Variants in FARS2 observed in about 807,000 individuals in gnomAD.
FARS2 encodes the protein phenylalanine--tRNA ligase, mitochondrial.
In FARS2, 40 loss-of-function variants were observed where a neutral mutation model predicts 46.4. That is an observed-to-expected ratio of 0.86 (90% confidence interval 0.67 to 1.12). The LOEUF is 1.12. Among genes scored for constraint, FARS2 ranks in the 50% most tolerant of loss-of-function variants. FARS2 has a pLI of 0.00. For synonymous variants in FARS2, 234 were observed against 214.9 expected, an observed-to-expected ratio of 1.09 and a Z score of -0.78; for missense variants, 513 against 567.9, an observed-to-expected ratio of 0.90 and a Z score of 0.98.
chr6:5,567,712 C>CAT (rs1359225801), intron 5 of FARS2, among the ~76,000 whole-genome samples: 1 of 152,216 alleles, frequency 6.6e-6, no homozygotes, highest in African/African-American at 2.4e-5. Context: ...CATGTTTATG[C>CAT]ATATATACGA....
chr6:5,438,225 C>A (rs2432763), intron 4 of FARS2, among the ~76,000 whole-genome samples: 1 of 96,128 alleles, frequency 1.0e-5, no homozygotes, highest in Non-Finnish European at 2.2e-5. Context: ...TAGTTACTTT[C>A]AAGGCTTCTA....
In FARS2 at chr6:5,341,343, C is replaced by T. The variant is rs1771638733; in HGVS notation, c.-21-27207C>T. ...GGGGTTTGACAGCTCCCCCCTCCCT[C>T]ATCAGTGTCCCAGCTGCTCTTGACC... On this transcript the variant is annotated intron_variant, in intron 1 of 6. Transcript: ENST00000274680. 3.5e-5 allele frequency among the ~76,000 whole-genome samples: 5 copies of T among 144,270 alleles called. No individual in the cohort carries two copies. The South Asian group carries it at 1.1e-3, about 32-fold the overall frequency. The allele number at this position is 144,270 out of a possible 152,430, so 94.6% of individuals were successfully genotyped here.
intron 1 of FARS2, among the ~76,000 whole-genome samples, chr6:5,357,441 G>A (rs907740923): frequency 1.3e-5 from 2 of 152,172 alleles, no homozygotes; most frequent in African/African-American, 2.4e-5. Context: ...AGATGGACTA[G>A]CATCCTAACT....
At chr6:5,624,299 A>G (rs1226719198) in intron 6 of FARS2, among the ~76,000 whole-genome samples, 1 of 152,140 alleles carries the variant, frequency 6.6e-6, no homozygotes, top group Non-Finnish European at 1.5e-5. Context: ...GCTTGACACC[A>G]GCATTAGATG....
At chr6:5,419,155 G>GT (rs1762405736) in intron 3 of FARS2, among the ~76,000 whole-genome samples, 1 of 152,124 alleles carries the variant, frequency 6.6e-6, no homozygotes, top group East Asian at 1.9e-4. Context: ...GGTGGCTGGT[G>GT]TTTTCCTTCT....
At chr6:5,454,468 C>T (rs1337560671) in intron 4 of FARS2, among the ~76,000 whole-genome samples, 1 of 152,008 alleles carries the variant, frequency 6.6e-6, no homozygotes, top group Non-Finnish European at 1.5e-5. Context: ...CAGCCTCCCC[C>T]CGAGTAGCTG....
At chr6:5,627,623 A>G (rs972667640) in intron 6 of FARS2, among the ~76,000 whole-genome samples, 2 of 152,226 alleles carry the variant, frequency 1.3e-5, no homozygotes, top group Non-Finnish European at 2.9e-5. Context: ...TGGTGTTTAT[A>G]CGTCTTTTCA....
At chr6:5,296,277 G>C (rs1767867919) in intron 1 of FARS2, among the ~76,000 whole-genome samples, 1 of 151,470 alleles carries the variant, frequency 6.6e-6, no homozygotes. Flanking sequence ...GAGTAGCTGG[G>C]ACTGCAGGTG....
At chr6:5,758,583 C>T (rs1017706732) in intron 6 of FARS2, among the ~76,000 whole-genome samples, 2 of 152,152 alleles carry the variant, frequency 1.3e-5, no homozygotes, top group Non-Finnish European at 2.9e-5. Flanking sequence ...CCTCCTCAAC[C>T]AACCTGTTTT....
chr6:5,364,897 T>A (rs2127634338), intron 1 of FARS2, among the ~76,000 whole-genome samples: 1 of 152,216 alleles, frequency 6.6e-6, no homozygotes, highest in Non-Finnish European at 1.5e-5. Context: ...CCGGGCATAG[T>A]GGCTTGCACC....
chr6:5,369,308 A>C, intron 2 of FARS2, 126 bp downstream of exon 2: 2 of 914,418 alleles, frequency 2.2e-6, no homozygotes, highest in Non-Finnish European at 3.3e-6. Flanking sequence ...TTAGTGAATC[A>C]TCCATACTTA....
At chr6:5,482,344 T>C (rs985338803) in intron 4 of FARS2, among the ~76,000 whole-genome samples, 4 of 152,146 alleles carry the variant, frequency 2.6e-5, no homozygotes, top group Non-Finnish European at 5.9e-5. Flanking sequence ...TGCAATATGG[T>C]TTAACTGACC....
At chr6:5,503,127 A>C (rs1428914536) in intron 4 of FARS2, among the ~76,000 whole-genome samples, 2 of 151,906 alleles carry the variant, frequency 1.3e-5, no homozygotes, top group East Asian at 3.8e-4. Flanking sequence ...AGTGTAGCAG[A>C]AATATACCTG....
At chr6:5,573,625 T>TC (rs957071958) in intron 5 of FARS2, among the ~76,000 whole-genome samples, 19 of 152,054 alleles carry the variant, frequency 1.2e-4, no homozygotes, top group Admixed American at 4.6e-4. Context: ...CCATCCTTCA[T>TC]CCCCCATTCC....
chr6:5,682,020 T>A (rs1167323237), intron 6 of FARS2, among the ~76,000 whole-genome samples: 1 of 152,178 alleles, frequency 6.6e-6, no homozygotes, highest in Non-Finnish European at 1.5e-5. Flanking sequence ...CAGCATGTGG[T>A]TTTGGTTCTG....
intron 5 of FARS2, among the ~76,000 whole-genome samples, chr6:5,610,429 TG>T (rs1264066625): frequency 1.3e-5 from 2 of 151,854 alleles, no homozygotes; most frequent in Non-Finnish European, 2.9e-5. Flanking sequence ...CAAAAATATT[TG>T]GGGGAAAAAC....
At chr6:5,537,844 A>G (rs990538625) in intron 4 of FARS2, among the ~76,000 whole-genome samples, 9 of 151,850 alleles carry the variant, frequency 5.9e-5, no homozygotes, top group Non-Finnish European at 1.0e-4. Flanking sequence ...CCTCTTTTCT[A>G]TTGCCATTCT....
intron 4 of FARS2, among the ~76,000 whole-genome samples, chr6:5,514,513 T>G (rs563638925): frequency 6.6e-6 from 1 of 152,328 alleles, no homozygotes; most frequent in African/African-American, 2.4e-5. Context: ...GTTGGGACAT[T>G]CTGGCCTTAG....
chr6:5,536,749 T>C (rs926494526), intron 4 of FARS2, among the ~76,000 whole-genome samples: 21 of 152,210 alleles, frequency 1.4e-4, no homozygotes, highest in Non-Finnish European at 2.6e-4. Flanking sequence ...ATTAGAATTA[T>C]AGATAAAAGA....
Sources: gnomAD v4.1 joint callset for allele counts (sites outside exome capture counted in the v4.1 genomes callset) on GRCh38, gnomAD v4.1.1 for gene constraint, MANE v1.5 for transcripts, NCBI Gene and HGNC (gene_info 2026-07-23, HGNC 2026-07-21) for gene names.